IGDCC3: variants seen among roughly 807,000 people sequenced by gnomAD.
IGDCC3 encodes the protein immunoglobulin superfamily DCC subclass member 3, also known as putative neuronal cell adhesion molecule.
A neutral mutation model predicts 72.0 loss-of-function variants in IGDCC3; 47 were observed. That is an observed-to-expected ratio of 0.65 (90% confidence interval 0.52 to 0.83). The LOEUF is 0.83. Ranked by LOEUF, IGDCC3 falls within the 40% of genes least tolerant of loss-of-function variation. The pLI, the probability that IGDCC3 is intolerant of heterozygous loss-of-function variation, is 0.00. For synonymous variants in IGDCC3, 477 were observed against 472.8 expected, an observed-to-expected ratio of 1.01 and a Z score of -0.11; for missense variants, 1,038 against 1,091.3, an observed-to-expected ratio of 0.95 and a Z score of 0.69.
intron 2 of IGDCC3, among the ~76,000 whole-genome samples, chr15:65,371,257 C>A (rs531445121): frequency 6.6e-6 from 1 of 152,374 alleles, no homozygotes; most frequent in East Asian, 1.9e-4. Context: ...ACCTCATTTA[C>A]TCCTCCAATA....
At chr15:65,355,897 C>T (rs2091216749) in intron 2 of IGDCC3, 2 of 310,200 alleles carry the variant, frequency 6.4e-6, no homozygotes, top group South Asian at 4.2e-5. Context: ...TGGGCCCGGC[C>T]CCGGCGCACT....
At chr15:65,331,286 G>A (rs1031029903) in intron 8 of IGDCC3, 72 bp from the exon 9 acceptor site, 2 of 1,583,586 alleles carry the variant, frequency 1.3e-6, no homozygotes, top group Admixed American at 1.7e-5. Flanking sequence ...TGAAATGAGG[G>A]CAGCCAGGGT....
chr15:65,362,468 AGC>A (rs2091267581), intron 2 of IGDCC3, among the ~76,000 whole-genome samples: 1 of 149,960 alleles, frequency 6.7e-6, no homozygotes, highest in Admixed American at 6.7e-5. Flanking sequence ...ATCCCCTCCA[AGC>A]CAGGCACCTC....
intron 2 of IGDCC3, among the ~76,000 whole-genome samples, chr15:65,344,231 C>G (rs556996694): frequency 6.6e-6 from 1 of 152,236 alleles, no homozygotes; most frequent in Non-Finnish European, 1.5e-5. Context: ...CCTCAGGGGA[C>G]TGTGGTGGCT....
At chr15:65,371,258 T>G (rs916804240) in intron 2 of IGDCC3, among the ~76,000 whole-genome samples, 1 of 152,222 alleles carries the variant, frequency 6.6e-6, no homozygotes, top group Non-Finnish European at 1.5e-5. Flanking sequence ...CCTCATTTAC[T>G]CCTCCAATAG....
intron 2 of IGDCC3, among the ~76,000 whole-genome samples, chr15:65,353,258 C>T (rs1567067504): frequency 6.9e-6 from 1 of 144,886 alleles, no homozygotes; most frequent in African/African-American, 2.6e-5. Flanking sequence ...TCCTTCCTTC[C>T]GTTGTTTTTT....
At chr15:65,366,130 C>T (rs534776480) in intron 2 of IGDCC3, among the ~76,000 whole-genome samples, 2 of 151,196 alleles carry the variant, frequency 1.3e-5, no homozygotes, top group South Asian at 4.2e-4. Flanking sequence ...CTCATTTGAA[C>T]CCGGGAGGTG....
At chr15:65,368,169 C>CTT in intron 2 of IGDCC3, among the ~76,000 whole-genome samples, 1 of 25,606 alleles carries the variant, frequency 3.9e-5, no homozygotes, top group East Asian at 4.9e-4. Flanking sequence ...CTCACACACA[C>CTT]ACACACACAC....
At chr15:65,368,160 T>TCACACACACACACACA (rs57451250) in intron 2 of IGDCC3, among the ~76,000 whole-genome samples, 30 of 146,316 alleles carry the variant, frequency 2.1e-4, no homozygotes, top group African/African-American at 7.2e-4. Flanking sequence ...TCTCTTTCAC[T>TCACACACACACACACA]CACACACACA....
chr15:65,346,560 G>A (rs112215297), intron 2 of IGDCC3, among the ~76,000 whole-genome samples: 223 of 151,996 alleles, frequency 1.5e-3, no homozygotes, highest in Admixed American at 2.3e-3. Flanking sequence ...AGGATCAAGC[G>A]ATTCTCCTAC....
chr15:65,329,956 C>T lies in IGDCC3; in HGVS notation c.1859-92G>A, dbSNP rs918421453. On this transcript the variant is annotated intron_variant, in intron 11 of 13. Transcript: ENST00000327987. This position sits in a 1 kb window ranked among gnomAD's most constrained non-coding sequence, Gnocchi z 4.1. ...CTGGGGACTCCTCTTCCTTCAGCTGCTCCCACTCCCAAGTGGGAGTGGGAA... is the reference window on the plus strand; with the variant it reads ...CTGGGGACTCCTCTTCCTTCAGCTGTTCCCACTCCCAAGTGGGAGTGGGAA... 8.8e-6 allele frequency: 12 copies of T among 1,368,346 alleles called. No homozygotes were observed. The highest frequency in any genetic ancestry group is 4.3e-5 in the African/African-American group (3 of 69,738). 84.8% of individuals were successfully genotyped at this position (1,368,346 alleles called of 1,614,324 possible). A position where few individuals can be genotyped will look rare whatever the true frequency, so the allele number is the denominator to read the frequency against.
At chr15:65,367,477 T>C (rs516456) in intron 2 of IGDCC3, among the ~76,000 whole-genome samples, 1 of 151,604 alleles carries the variant, frequency 6.6e-6, no homozygotes, top group Non-Finnish European at 1.5e-5. Flanking sequence ...TGTATACATA[T>C]GTAACTAACC....
chr15:65,372,700 C>A (rs1476338164), intron 2 of IGDCC3, among the ~76,000 whole-genome samples: 1 of 152,168 alleles, frequency 6.6e-6, no homozygotes, highest in Non-Finnish European at 1.5e-5. Context: ...GAAGCAGGGG[C>A]CTCCAGAGGC....
At chr15:65,361,274 T>A (rs2091258758) in intron 2 of IGDCC3, among the ~76,000 whole-genome samples, 1 of 113,402 alleles carries the variant, frequency 8.8e-6, no homozygotes, top group African/African-American at 4.0e-5. Context: ...CTAAAAATAA[T>A]AATAATAATA....
Position 65,356,848 on chromosome 15 carries a change from C to CTTTTTTTTTTTTTTTTTTTTTTTTTTTT in IGDCC3, c.409+18248_409+18249insAAAAAAAAAAAAAAAAAAAAAAAAAAAA, listed in dbSNP as rs766472764. 6.3e-4 allele frequency among the ~76,000 whole-genome samples: 45 copies of CTTTTTTTTTTTTTTTTTTTTTTTTTTTT among 70,884 alleles called. 13 individuals carry two copies. Among genetic ancestry groups the CTTTTTTTTTTTTTTTTTTTTTTTTTTTT allele is most frequent in the African/African-American group, 1.7e-3 (26 of 15,030 alleles). The allele number at this position is 70,884 out of a possible 152,430, so 46.5% of individuals were successfully genotyped here. Reference sequence around the variant, plus strand: ...GATGTGAGATTTGAGAATGGACCTGCTTTTTTTTTTTTTTTTTTTGAGATG... The same window carrying CTTTTTTTTTTTTTTTTTTTTTTTTTTTT: ...GATGTGAGATTTGAGAATGGACCTGCTTTTTTTTTTTTTTTTTTTTTTTTTTTTTTTTTTTTTTTTTTTTTTTGAGATG... On this transcript the variant is annotated intron_variant, in intron 2 of 13. Transcript: ENST00000327987.
chr15:65,361,817 G>A (rs981422735), intron 2 of IGDCC3, among the ~76,000 whole-genome samples: 2 of 152,184 alleles, frequency 1.3e-5, no homozygotes, highest in African/African-American at 4.8e-5. Flanking sequence ...GGGTAGGGGC[G>A]CCGCTCCTCC....
chr15:65,361,274 T>TAAA (rs1489105526), intron 2 of IGDCC3, among the ~76,000 whole-genome samples: 3 of 113,402 alleles, frequency 2.6e-5, no homozygotes, highest in African/African-American at 1.2e-4. Context: ...CTAAAAATAA[T>TAAA]AATAATAATA....
chr15:65,331,810 C>A, intron 7 of IGDCC3, 131 bp downstream of exon 7: 1 of 1,387,616 alleles, frequency 7.2e-7, no homozygotes, highest in Non-Finnish European at 9.8e-7. Context: ...GGGACTCCAC[C>A]TCAATCTCCA....
intron 4 of IGDCC3, among the ~76,000 whole-genome samples, 193 bp downstream of exon 4, chr15:65,335,098 C>T (rs2091015241): frequency 6.6e-6 from 1 of 152,252 alleles, no homozygotes; most frequent in South Asian, 2.1e-4. Flanking sequence ...GGATGGGATT[C>T]CCAGGGGGAA....
Sources: gnomAD v4.1 joint callset for allele counts (sites outside exome capture counted in the v4.1 genomes callset) on GRCh38, gnomAD v4.1.1 for gene constraint, Gnocchi (gnomAD v3.1) non-coding constraint, MANE v1.5 for transcripts, NCBI Gene and HGNC (gene_info 2026-07-23, HGNC 2026-07-21) for gene names.